The following BCAR3 variants were observed in gnomAD, a reference collection of about 807,000 sequenced individuals.
BCAR3 encodes BCAR3 adaptor protein, NSP family member.
BCAR3 carries 37 observed loss-of-function variants against 80.1 expected under a neutral mutation model. That is an observed-to-expected ratio of 0.46 (90% CI 0.36 to 0.61). The LOEUF (loss-of-function observed/expected upper bound fraction) is 0.61, where lower values mean the gene tolerates loss of function less well. Among genes scored for constraint, BCAR3 ranks in the 20% least tolerant of loss-of-function variants. The probability of loss-of-function intolerance (pLI) is 0.00; values close to 1 mark genes in which losing one functional copy is unlikely to be tolerated. For synonymous variants in BCAR3, 389 were observed against 418.9 expected, an observed-to-expected ratio of 0.93 and a Z score of 0.87; for missense variants, 978 against 1,068.2, an observed-to-expected ratio of 0.92 and a Z score of 1.18.
chr1:93,781,594 C>T (rs916895832), intron 2 of BCAR3, among the ~76,000 whole-genome samples: 5 of 152,160 alleles, frequency 3.3e-5, no homozygotes, highest in African/African-American at 9.7e-5. Context: ...GAAAACAGGG[C>T]TCTGGGAGGA....
At chr1:93,736,608 A>G (rs1650980313) in intron 2 of BCAR3, among the ~76,000 whole-genome samples, 1 of 152,232 alleles carries the variant, frequency 6.6e-6, no homozygotes, top group South Asian at 2.1e-4. Flanking sequence ...ATAATATGGT[A>G]ATGGAACAAA....
chr1:93,735,490 AT>A (rs1650943836), intron 2 of BCAR3, among the ~76,000 whole-genome samples: 1 of 152,258 alleles, frequency 6.6e-6, no homozygotes, highest in Non-Finnish European at 1.5e-5. Context: ...TTAAAAAATT[AT>A]TAAAATGTGC....
At chr1:93,845,536 G>A (rs894129314) in intron 2 of BCAR3, 3 of 117,344 alleles carry the variant, frequency 2.6e-5, no homozygotes, top group Non-Finnish European at 5.3e-5. Flanking sequence ...AATTAAATAG[G>A]CCTGGCACCA....
intron 5 of BCAR3, among the ~76,000 whole-genome samples, chr1:93,588,271 A>G (rs765232961): frequency 6.6e-6 from 1 of 152,186 alleles, no homozygotes. Context: ...GTGGTCTCCA[A>G]TGTGCCCTCC....
chr1:93,780,123 C>CGT (rs1652716519), intron 2 of BCAR3, among the ~76,000 whole-genome samples: 1 of 152,200 alleles, frequency 6.6e-6, no homozygotes, highest in Admixed American at 6.5e-5. Flanking sequence ...TGTTCCCTTA[C>CGT]AGGACTCCTC....
At chr1:93,799,653 T>G (rs529892014) in intron 2 of BCAR3, among the ~76,000 whole-genome samples, 1 of 152,314 alleles carries the variant, frequency 6.6e-6, no homozygotes, top group East Asian at 1.9e-4. Flanking sequence ...AATTACAGGG[T>G]GTGTTTTTTA....
At chr1:93,687,431 C>T (rs1395792314) in intron 3 of BCAR3, among the ~76,000 whole-genome samples, 2 of 152,138 alleles carry the variant, frequency 1.3e-5, no homozygotes, top group African/African-American at 4.8e-5. Flanking sequence ...CCTTAGCCTC[C>T]CAAGTAGCTG....
chr1:93,726,071 GT>G (rs563085489), intron 2 of BCAR3, among the ~76,000 whole-genome samples: 10 of 147,674 alleles, frequency 6.8e-5, no homozygotes, highest in African/African-American at 2.5e-4. Flanking sequence ...TTTTTTTTTT[GT>G]TTTTTTGTTT....
chr1:93,646,879 A>T (rs540631408), intron 2 of BCAR3, among the ~76,000 whole-genome samples: 1 of 152,336 alleles, frequency 6.6e-6, no homozygotes, highest in East Asian at 1.9e-4. Context: ...AATAACTTTA[A>T]ATATTAGCTA....
chr1:93,595,652 T>C (rs1674389871), intron 3 of BCAR3, among the ~76,000 whole-genome samples: 1 of 152,252 alleles, frequency 6.6e-6, no homozygotes, highest in Admixed American at 6.5e-5. Context: ...TTATGAGATC[T>C]TGATCTCCCC....
At chr1:93,593,445 G>A (rs1674294386) in intron 3 of BCAR3, among the ~76,000 whole-genome samples, 1 of 151,978 alleles carries the variant, frequency 6.6e-6, no homozygotes, top group Non-Finnish European at 1.5e-5. Context: ...TGGCCTCCTG[G>A]GCTCAAGCAA....
intron 3 of BCAR3, among the ~76,000 whole-genome samples, chr1:93,640,513 C>T (rs1377885240): frequency 5.3e-5 from 8 of 152,300 alleles, no homozygotes; most frequent in South Asian, 2.1e-4. Flanking sequence ...GGGTACCCTT[C>T]GGAATACCTC....
intron 7 of BCAR3, among the ~76,000 whole-genome samples, chr1:93,576,650 C>T (rs17110111): frequency 0.17 from 25,239 of 152,210 alleles, 2,287 homozygotes; most frequent in Non-Finnish European, 0.2. Flanking sequence ...ATGCTCTATA[C>T]GTCTGGAAAC....
intron 3 of BCAR3, among the ~76,000 whole-genome samples, chr1:93,700,891 C>A (rs1264632878): frequency 1.3e-5 from 2 of 152,210 alleles, no homozygotes; most frequent in African/African-American, 4.8e-5. Flanking sequence ...TAGGCTCTGC[C>A]CACAGGCGTC....
chr1:93,714,516 G>A (rs1226744703), intron 2 of BCAR3, among the ~76,000 whole-genome samples: 1 of 152,138 alleles, frequency 6.6e-6, no homozygotes, highest in Non-Finnish European at 1.5e-5. Context: ...CAGCCCAGCA[G>A]TCTGTCTCTA....
At chr1:93,840,893 G>A (rs908684342) in intron 2 of BCAR3, among the ~76,000 whole-genome samples, 1 of 152,172 alleles carries the variant, frequency 6.6e-6, no homozygotes. Flanking sequence ...AATATTCAAA[G>A]CTACTTGTTG....
At chr1:93,654,473 A>G (rs1465586611) in intron 2 of BCAR3, among the ~76,000 whole-genome samples, 2 of 152,106 alleles carry the variant, frequency 1.3e-5, no homozygotes, top group Non-Finnish European at 2.9e-5. Context: ...TGAGTGTGGG[A>G]GCAGATTCTT....
chr1:93,784,832 T>G (rs1652885513), intron 2 of BCAR3, among the ~76,000 whole-genome samples: 1 of 152,240 alleles, frequency 6.6e-6, no homozygotes, highest in South Asian at 2.1e-4. Context: ...GAGGTCTTTG[T>G]GTGCAGACTT....
intron 3 of BCAR3, among the ~76,000 whole-genome samples, chr1:93,612,359 T>C (rs751036702): frequency 1.1e-4 from 17 of 151,062 alleles, no homozygotes; most frequent in Non-Finnish European, 1.8e-4. Context: ...GGTGGAGAGA[T>C]AGAGAGTGCA....
Sources: gnomAD v4.1 joint callset for allele counts (sites outside exome capture counted in the v4.1 genomes callset) on GRCh38, gnomAD v4.1.1 for gene constraint, MANE v1.5 for transcripts, NCBI Gene and HGNC (gene_info 2026-07-23, HGNC 2026-07-21) for gene names.